Variants in HIVEP3 observed in about 807,000 individuals in gnomAD.
HIVEP3 encodes the protein HIVEP zinc finger 3, also known as transcription factor HIVEP3.
A neutral mutation model predicts 152.8 loss-of-function variants in HIVEP3; 49 were observed. The observed-to-expected ratio is 0.32, with a 90% CI of 0.26 to 0.41. The LOEUF (loss-of-function observed/expected upper bound fraction) is 0.41. Among genes scored for constraint, HIVEP3 ranks in the 10% least tolerant of loss-of-function variants. The pLI, the probability that HIVEP3 is intolerant of heterozygous loss-of-function variation, is 1.00. For missense variants in HIVEP3, 2,790 were observed against 3,103.3 expected, an observed-to-expected ratio of 0.90 and a Z score of 2.40; for synonymous variants, 1,269 against 1,289.0, an observed-to-expected ratio of 0.98 and a Z score of 0.33.
In HIVEP3 at chr1:41,878,772, C is replaced by T. The variant is rs565953723; in HGVS notation, c.-801+39641G>A. On this transcript the variant is annotated intron_variant, in intron 1 of 8. Transcript: ENST00000372583. ...TCCCTCTCTTCCTCCCTCCTCCTCCCTCTCTTCCTAACTCCCTACCTTTCT... is the reference window on the plus strand; with the variant it reads ...TCCCTCTCTTCCTCCCTCCTCCTCCTTCTCTTCCTAACTCCCTACCTTTCT... Among the ~76,000 whole-genome samples, 11 of 146,520 alleles carry T rather than the reference C, an allele frequency of 7.5e-5. No homozygotes were observed. In the South Asian group the frequency reaches 1.8e-3, roughly 24 times the overall value.
At chr1:41,786,900 C>T (rs1261142897) in intron 1 of HIVEP3, among the ~76,000 whole-genome samples, 1 of 151,834 alleles carries the variant, frequency 6.6e-6, no homozygotes, top group Non-Finnish European at 1.5e-5. Context: ...TACAGGTGCG[C>T]ACCACCACGT....
At chr1:42,015,838 A>AAT (rs1645519099) in intron 1 of HIVEP3, among the ~76,000 whole-genome samples, 1 of 152,278 alleles carries the variant, frequency 6.6e-6, no homozygotes, top group South Asian at 2.1e-4. Flanking sequence ...GAATAACTGG[A>AAT]AACAGTATCC....
At chr1:41,627,822 C>T (rs1466908389) in intron 3 of HIVEP3, among the ~76,000 whole-genome samples, 1 of 152,178 alleles carries the variant, frequency 6.6e-6, no homozygotes, top group Non-Finnish European at 1.5e-5. Context: ...GGGTCCCCAA[C>T]CCCCAAGAGT....
intron 3 of HIVEP3, among the ~76,000 whole-genome samples, chr1:41,599,159 G>A (rs1250413323): frequency 6.6e-6 from 1 of 152,120 alleles, no homozygotes; most frequent in Non-Finnish European, 1.5e-5. Context: ...GATAGAGAAA[G>A]TAATGGTCTT....
At chr1:41,895,885 T>C (rs963391014) in intron 1 of HIVEP3, among the ~76,000 whole-genome samples, 39 of 152,192 alleles carry the variant, frequency 2.6e-4, no homozygotes, top group African/African-American at 9.4e-4. Context: ...AGAGAGACTA[T>C]GTTTGAGCAA....
In HIVEP3 at chr1:41,942,638, A is replaced by T. The variant is rs192931705; in HGVS notation, n.120-24114T>A. On this transcript the variant is annotated intron_variant and non_coding_transcript_variant, in intron 1 of 3. Coordinates refer to the HIVEP3 transcript ENST00000489103. ...ACACTAGCAATATGTAAAATGATAC[A>T]TGCACAAAGCTATTTGTCAAAACAC... Among the ~76,000 whole-genome samples, 700 of 152,354 alleles carry T rather than the reference A, an allele frequency of 4.6e-3. 5 individuals carry two copies. The highest frequency in any genetic ancestry group is 0.01 in the Middle Eastern group (3 of 294).
intron 1 of HIVEP3, among the ~76,000 whole-genome samples, chr1:41,727,355 C>T (rs2124179994): frequency 6.6e-6 from 1 of 152,310 alleles, no homozygotes; most frequent in East Asian, 1.9e-4. Context: ...CGGGAGGCAG[C>T]CCCTTCCTGT....
At chr1:41,548,338 G>A (rs980835182) in intron 5 of HIVEP3, among the ~76,000 whole-genome samples, 6 of 152,144 alleles carry the variant, frequency 3.9e-5, no homozygotes, top group African/African-American at 1.4e-4. Flanking sequence ...ACTTGCCCAT[G>A]ACCACATGCC....
chr1:41,789,615 A>G (rs1338902007), intron 1 of HIVEP3, among the ~76,000 whole-genome samples: 1 of 152,244 alleles, frequency 6.6e-6, no homozygotes, highest in East Asian at 1.9e-4. Flanking sequence ...AATCAATGTA[A>G]ACATATTTAA....
In HIVEP3 at chr1:41,580,511, T is replaced by C; in HGVS notation, c.4287A>G (p.Lys1429=). 6.2e-7 allele frequency: 1 copy of C among 1,614,198 alleles called. No individual in the cohort carries two copies. Among genetic ancestry groups the C allele is most frequent in the South Asian group, 1.1e-5 (1 of 91,082 alleles). Residue 1429 remains lysine, a synonymous_variant, in exon 4 of 9, where the codon AAA becomes AAG. Coordinates refer to ENST00000372583, the MANE Select transcript of HIVEP3 (RefSeq NM_024503.5). The part of the protein sequence containing the change: ...EGSSSTAGGS[K]RVLSPAGSLE... The stretch of plus-strand genomic sequence containing the variant: ...GGCTGCCAGCTGGTGAAAGGACACG[T>C]TTGCTTCCCCCTGCTGTTGATGAAC...
chr1:41,510,853 G>C lies in HIVEP3; in HGVS notation c.6819C>G (p.Asp2273Glu), dbSNP rs754754967. 27 of 1,613,200 alleles carry C rather than the reference G, an allele frequency of 1.7e-5. 2 individuals carry two copies. In the Admixed American group the frequency reaches 4.2e-4, roughly 25 times the overall value. Reference protein sequence around the residue: ...FTLSSELEGGDYPKERERTGG... With the variant: ...FTLSSELEGGEYPKERERTGG... The stretch of plus-strand genomic sequence containing the variant: ...CGGTCCTCTCCCTCTCCTTGGGGTA[G>C]TCCCCGCCCTCCAGCTCTGAGGAGA... The change falls in exon 9 of 9, where the codon GAC (aspartate) becomes GAG (glutamate). Residue 2273 changes from aspartate (D) to glutamate (E), a missense_variant. Asp to Glu is a conservative substitution (Grantham distance 45). Transcript: ENST00000372583.
intron 5 of HIVEP3, among the ~76,000 whole-genome samples, chr1:41,564,565 T>C (rs1644132556): frequency 6.6e-6 from 1 of 152,142 alleles, no homozygotes; most frequent in Non-Finnish European, 1.5e-5. Context: ...GCAACAGGAC[T>C]GAGAATGGAC....
At chr1:41,633,654 A>G (rs1307664039) in intron 2 of HIVEP3, among the ~76,000 whole-genome samples, 1 of 152,128 alleles carries the variant, frequency 6.6e-6, no homozygotes, top group African/African-American at 2.4e-5. Context: ...CTGGTGCCCT[A>G]CGATTCTCTG....
chr1:41,892,602 G>A (rs763108745), intron 1 of HIVEP3, among the ~76,000 whole-genome samples: 16 of 152,186 alleles, frequency 1.1e-4, no homozygotes, highest in Non-Finnish European at 1.9e-4. Context: ...AATGTTGAAC[G>A]TTGGCTCTCC....
chr1:41,866,133 T>G (rs1461527135), intron 1 of HIVEP3, among the ~76,000 whole-genome samples: 1 of 152,196 alleles, frequency 6.6e-6, no homozygotes, highest in South Asian at 2.1e-4. Context: ...TCAGGAATCT[T>G]CAGCACCCTT....
Position 41,580,690 on chromosome 1 carries a change from CACAT to C in HIVEP3, c.4104_4107del (p.Cys1369ValfsTer14). 1 of 1,607,288 alleles carries C rather than the reference CACAT, an allele frequency of 6.2e-7. No individual in the cohort carries two copies. Among genetic ancestry groups the C allele is most frequent in the Non-Finnish European group, 8.5e-7 (1 of 1,176,252 alleles). On this transcript the variant is annotated frameshift_variant, in exon 4 of 9. Coordinates refer to ENST00000372583, the MANE Select transcript of HIVEP3 (RefSeq NM_024503.5). LOFTEE classifies it high-confidence loss of function. Reference sequence around the variant, plus strand: ...GGCCCAACCTCATGCACATCTGCACCACATACAGTCGTCCCCTTTGATGGGGGTT... The same window carrying C: ...GGCCCAACCTCATGCACATCTGCACCACAGTCGTCCCCTTTGATGGGGGTT...
chr1:41,920,008 C>G (rs1338930876), upstream of HIVEP3, among the ~76,000 whole-genome samples: 1 of 152,194 alleles, frequency 6.6e-6, no homozygotes, highest in Non-Finnish European at 1.5e-5. Flanking sequence ...GCATCACAGC[C>G]CATTCCCTCC....
intron 3 of HIVEP3, among the ~76,000 whole-genome samples, chr1:41,607,437 G>A (rs1356820858): frequency 6.6e-6 from 1 of 152,016 alleles, no homozygotes; most frequent in African/African-American, 2.4e-5. Context: ...TCCTCCAATT[G>A]TGCTATCTTC....
chr1:41,751,964 C>T (rs115837904), intron 1 of HIVEP3, among the ~76,000 whole-genome samples: 13 of 152,216 alleles, frequency 8.5e-5, no homozygotes, highest in Non-Finnish European at 1.8e-4. Context: ...CCAACATGAC[C>T]CTGTCCATAT....
Sources: allele counts gnomAD v4.1 joint callset (sites outside exome capture counted in the v4.1 genomes callset), GRCh38; gene constraint gnomAD v4.1.1; transcripts MANE v1.5; gene names NCBI Gene and HGNC (gene_info 2026-07-23, HGNC 2026-07-21).